SLC17A7: variants seen among roughly 807,000 people sequenced by gnomAD.
SLC17A7 encodes solute carrier family 17 member 7.
In SLC17A7, 15 loss-of-function variants were observed where a neutral mutation model predicts 59.1. That is an observed-to-expected ratio of 0.25 (90% CI 0.17 to 0.39). SLC17A7 has a LOEUF of 0.39. SLC17A7 is among the 10% of genes least tolerant of loss of function. SLC17A7 has a pLI of 1.00. For synonymous variants in SLC17A7, 353 were observed against 308.9 expected (o/e 1.14, Z -1.50); for missense variants, 499 against 765.1 (o/e 0.65, Z 4.10).
In SLC17A7 at chr19:49,430,499, A is replaced by G; in HGVS notation, c.*20T>C. The G allele has an allele frequency of 6.5e-7, 1 of 1,535,570 alleles. No individual in the cohort carries two copies. Among genetic ancestry groups the G allele is most frequent in the Non-Finnish European group, 8.8e-7 (1 of 1,137,408 alleles). ...TGGAATGGAGGTCCTGGAAACTGCC[A>G]TTCAGTGGGAGGCACATGGTCAGTA... On this transcript the variant is annotated 3_prime_UTR_variant, in exon 12 of 12. Coordinates refer to ENST00000221485, the MANE Select transcript of SLC17A7 (RefSeq NM_020309.4).
chr19:49,432,998 G>C (rs760330045), intron 7 of SLC17A7, 38 bp from the exon 8 acceptor site: 2 of 1,578,796 alleles, frequency 1.3e-6, no homozygotes, highest in African/African-American at 2.7e-5. Context: ...GACGGGGAGC[G>C]GGGCTGAGGG....
In SLC17A7 at chr19:49,433,864, G is replaced by A. The variant is rs1364483968; in HGVS notation, c.729C>T (p.Ser243=). The part of the protein sequence containing the change: ...GWSSVFYVYG[S]FGIFWYLFWL... The stretch of plus-strand genomic sequence containing the variant: ...AGAACAGGTACCAGAAGATCCCGAA[G>A]CTGCCTGGGGGGGTCAGGAGGGGGA... The change falls in exon 7 of 12, where the codon AGC becomes AGT. Residue 243 remains serine (S), a synonymous_variant. Coordinates refer to ENST00000221485, the MANE Select transcript of SLC17A7 (RefSeq NM_020309.4). This position sits in a 1 kb window ranked among gnomAD's most constrained non-coding sequence, Gnocchi z 5.7. 1.9e-6 allele frequency: 3 copies of A among 1,611,080 alleles called. No individual in the cohort carries two copies. The highest frequency in any genetic ancestry group is 1.7e-6 in the Non-Finnish European group (2 of 1,177,830).
rs1380780521 is a variant in SLC17A7, at chr19:49,430,221, C to T, written c.*298G>A. On this transcript the variant is annotated 3_prime_UTR_variant, in exon 12 of 12. Coordinates refer to ENST00000221485, the MANE Select transcript of SLC17A7 (RefSeq NM_020309.4). ...AAAACCACAAGAGAGAGTAAGAGGT[C>T]GAACTGTCCATTCAAATAAAGCCCT... 3.9e-6 allele frequency: 1 copy of T among 255,004 alleles called. No homozygotes were observed. Among genetic ancestry groups the T allele is most frequent in the Non-Finnish European group, 7.4e-6 (1 of 135,246 alleles). 15.8% of individuals were successfully genotyped at this position (255,004 alleles called of 1,614,324 possible).
chr19:49,441,187 A>G, intron 1 of SLC17A7, 131 bp downstream of exon 1: 2 of 1,501,046 alleles, frequency 1.3e-6, no homozygotes, highest in Non-Finnish European at 1.8e-6. Context: ...AGCCCACGGC[A>G]GAAAACTGGA....
chr19:49,439,036 A>G (rs1600990073), intron 1 of SLC17A7, among the ~76,000 whole-genome samples: 1 of 152,268 alleles, frequency 6.6e-6, no homozygotes, highest in East Asian at 1.9e-4. Flanking sequence ...GGACAAGGAC[A>G]GAGAAGGGAG....
rs1019185384 is a variant in SLC17A7, at chr19:49,432,913, A to G, written c.915T>C (p.Tyr305=). 2 of 1,605,588 alleles carry G rather than the reference A, an allele frequency of 1.2e-6. No individual in the cohort carries two copies. The highest frequency in any genetic ancestry group is 1.7e-6 in the Non-Finnish European group (2 of 1,176,236). ...GGCAGAAGTTGGCCACGATGATGGCATAGACTGGCATAGACGTGAAGAAGC... is the reference window on the plus strand; with the variant it reads ...GGCAGAAGTTGGCCACGATGATGGCGTAGACTGGCATAGACGTGAAGAAGC... ...WRRFFTSMPV[Y]AIIVANFCRS... is the part of the protein sequence containing the mutation. Residue 305 remains tyrosine, a synonymous_variant, in exon 8 of 12, where the codon TAT becomes TAC. Transcript: ENST00000221485.
At chr19:49,434,104 C>T in intron 5 of SLC17A7, 58 bp from the exon 6 acceptor site, 4 of 1,115,568 alleles carry the variant, frequency 3.6e-6, no homozygotes, top group Non-Finnish European at 5.5e-6. Context: ...TCAAGGAGTG[C>T]GGACCCCCAC....
chr19:49,432,987 A>C, intron 7 of SLC17A7, 27 bp from the exon 8 acceptor site: 1 of 1,595,740 alleles, frequency 6.3e-7, no homozygotes, highest in Non-Finnish European at 8.5e-7. Flanking sequence ...AGGGCCGCTA[A>C]GACGGGGAGC....
Position 49,441,505 on chromosome 19 carries a change from T to TC in SLC17A7, c.-127dup. On this transcript the variant is annotated 5_prime_UTR_variant, in exon 1 of 12. Coordinates refer to ENST00000221485, the MANE Select transcript of SLC17A7 (RefSeq NM_020309.4). ...GGCCCGGCCGGCCCCGCAGCTCCGC[T>TC]CGGGGGGAAGGAGGCTGCAAGTGCA... is the stretch of plus-strand genomic sequence containing the variant. The TC allele has an allele frequency of 9.4e-7, 1 of 1,058,718 alleles. No homozygotes were observed. The highest frequency in any genetic ancestry group is 1.1e-6 in the Non-Finnish European group (1 of 880,428). 65.6% of individuals were successfully genotyped at this position (1,058,718 alleles called of 1,614,324 possible). A position where few individuals can be genotyped will look rare whatever the true frequency, so the allele number is the denominator to read the frequency against.
rs764624434 is a variant in SLC17A7 at position 49,436,805 on chromosome 19, C to A, written c.63-4G>T. 2 of 1,599,766 alleles carry A rather than the reference C, an allele frequency of 1.3e-6. No homozygotes were observed. Among genetic ancestry groups the A allele is most frequent in the South Asian group, 2.2e-5 (2 of 91,002 alleles). ...TTCCTGCCGCTTCTCCAGAAGGCTG[C>A]GGGACAGCAAGAGCCAGAGACTCGG... On this transcript the variant is annotated splice_polypyrimidine_tract_variant and splice_region_variant and intron_variant, in intron 1 of 11. Coordinates refer to ENST00000221485, the MANE Select transcript of SLC17A7 (RefSeq NM_020309.4). The surrounding 1 kb of genome is among the most constrained non-coding windows in gnomAD (Gnocchi z 4.1).
Position 49,431,162 on chromosome 19 carries a change from G to A in SLC17A7, c.1262-20C>T. 6.2e-7 allele frequency: 1 copy of A among 1,608,690 alleles called. No individual in the cohort carries two copies. The highest frequency in any genetic ancestry group is 8.5e-7 in the Non-Finnish European group (1 of 1,176,756). Reference sequence around the variant, plus strand: ...TGAACCCTGGCGGAGAGACAAGTCGGAAGGCGTCACACCGGAATCTCACTC... The same window carrying A: ...TGAACCCTGGCGGAGAGACAAGTCGAAAGGCGTCACACCGGAATCTCACTC... On this transcript the variant is annotated intron_variant, in intron 10 of 11. Coordinates refer to ENST00000221485, the MANE Select transcript of SLC17A7 (RefSeq NM_020309.4). The surrounding 1 kb of genome is among the most constrained non-coding windows in gnomAD (Gnocchi z 4.6).
intron 5 of SLC17A7, 75 bp downstream of exon 5, chr19:49,434,527 C>A: frequency 1.5e-6 from 2 of 1,367,604 alleles, no homozygotes; most frequent in South Asian, 1.4e-5. Flanking sequence ...CAGCCCCTCC[C>A]CGCTCAGACC....
At chr19:49,435,025 C>G in intron 3 of SLC17A7, 143 bp from the exon 4 acceptor site, 1 of 1,002,008 alleles carries the variant, frequency 1.0e-6, no homozygotes, top group Non-Finnish European at 1.5e-6. Flanking sequence ...TCCTCAATCG[C>G]AAGCCCCACC....
At chr19:49,432,325 G>A (rs904246865) in intron 9 of SLC17A7, among the ~76,000 whole-genome samples, 194 bp downstream of exon 9, 2 of 152,108 alleles carry the variant, frequency 1.3e-5, no homozygotes, top group African/African-American at 2.4e-5. Context: ...CCCCTTGGAC[G>A]GCCGCGTGAC....
At chr19:49,439,282 A>T (rs2122307875) in intron 1 of SLC17A7, among the ~76,000 whole-genome samples, 1 of 152,210 alleles carries the variant, frequency 6.6e-6, no homozygotes. Flanking sequence ...AACTAAGGAA[A>T]CTGAGGCTCG....
rs5828394 is a variant in SLC17A7 at position 49,432,670 on chromosome 19, A to AG, written c.1018-20dup. The AG allele has an allele frequency of 1, 1,611,339 of 1,611,358 alleles. 805,660 individuals carry two copies. The highest frequency in any genetic ancestry group is 1 in the Middle Eastern group (5,318 of 5,318). On this transcript the variant is annotated intron_variant, in intron 8 of 11. Coordinates refer to ENST00000221485, the MANE Select transcript of SLC17A7 (RefSeq NM_020309.4). ...GGCCTACCTGCGGGAACAGGTGTAC[A>AG]GGGACACTAGGGTTCGGGGCCGCCG...
At chr19:49,441,250 G>A in intron 1 of SLC17A7, 68 bp downstream of exon 1, 1 of 1,567,180 alleles carries the variant, frequency 6.4e-7, no homozygotes, top group East Asian at 2.4e-5. Flanking sequence ...GTCAGTCTGC[G>A]CCCAGGTGGG....
chr19:49,432,931 G>A lies in SLC17A7; in HGVS notation c.897C>T (p.Phe299=), dbSNP rs1600984645. 2 of 1,607,772 alleles carry A rather than the reference G, an allele frequency of 1.2e-6. No homozygotes were observed. Among genetic ancestry groups the A allele is most frequent in the African/African-American group, 1.3e-5 (1 of 75,002 alleles). The change falls in exon 8 of 12, where the codon TTC becomes TTT. Residue 299 remains phenylalanine, a synonymous_variant. Coordinates refer to ENST00000221485, the MANE Select transcript of SLC17A7 (RefSeq NM_020309.4). ...TKFSTPWRRF[F]TSMPVYAIIV... ...TGATGGCATAGACTGGCATAGACGT[G>A]AAGAAGCGCCGCCAGGGAGTGCTAA... is the stretch of plus-strand genomic sequence containing the variant.
chr19:49,430,574 G>T lies in SLC17A7; in HGVS notation c.1628C>A (p.Ala543Asp). The change falls in exon 12 of 12, where the codon GCC becomes GAC. Residue 543 changes from alanine to aspartate, a missense_variant. Around this residue, in one of 3 missense-constraint regions of SLC17A7, gnomAD observed 98 missense variants for 77.5 expected, o/e 1.27. Coordinates refer to ENST00000221485, the MANE Select transcript of SLC17A7 (RefSeq NM_020309.4). The part of the protein sequence containing the change: ...APPAPPPSYG[A>D]THSTFQPPRP... ...GGGGGGCTGAAATGTGCTGTGTGTG[G>T]CCCCATAGGAGGGCGGGGGTGCAGG... 1 of 1,602,264 alleles carries T rather than the reference G, an allele frequency of 6.2e-7. No individual in the cohort carries two copies. The highest frequency in any genetic ancestry group is 8.5e-7 in the Non-Finnish European group (1 of 1,171,812).
Sources: allele counts gnomAD v4.1 joint callset (sites outside exome capture counted in the v4.1 genomes callset), GRCh38; gene constraint gnomAD v4.1.1; regional missense constraint gnomAD v4.1.1; non-coding constraint Gnocchi (gnomAD v3.1); transcripts MANE v1.5; gene names NCBI Gene and HGNC (gene_info 2026-07-23, HGNC 2026-07-21).